NTNG1: variants seen among roughly 807,000 people sequenced by gnomAD.
The protein encoded by NTNG1 is netrin-G1.
A neutral mutation model predicts 54.0 loss-of-function variants in NTNG1; 16 were observed. That is an observed-to-expected ratio of 0.30 (90% confidence interval 0.20 to 0.45). NTNG1 has a LOEUF of 0.45. Among genes scored for constraint, NTNG1 ranks in the 20% least tolerant of loss-of-function variants. The pLI is 1.00. For missense variants in NTNG1, 530 were observed against 678.7 expected, an observed-to-expected ratio of 0.78 and a Z score of 2.43; for synonymous variants, 255 against 263.1, an observed-to-expected ratio of 0.97 and a Z score of 0.30.
intron 2 of NTNG1, among the ~76,000 whole-genome samples, chr1:107,155,893 G>A (rs79828824): frequency 0.017 from 2,572 of 152,188 alleles, 80 homozygotes; most frequent in African/African-American, 0.058. Context: ...TGTTTAGATA[G>A]ATTTAGGTTC....
rs71976757 is a variant in NTNG1, at chr1:107,290,963, T to TTATATATA, written c.247-33304_247-33297dup. Among the ~76,000 whole-genome samples, 1,144 of 142,478 alleles carry TTATATATA rather than the reference T, an allele frequency of 8.0e-3. 9 individuals are homozygous for TTATATATA. Among genetic ancestry groups the TTATATATA allele is most frequent in the African/African-American group, 0.023 (889 of 38,162 alleles). 93.5% of individuals were successfully genotyped at this position (142,478 alleles called of 152,430 possible). Reference sequence around the variant, plus strand: ...ATATTTTAAAGTGCATATATATATATTATATATATATATATATATATACAC... The same window carrying TTATATATA: ...ATATTTTAAAGTGCATATATATATATTATATATATATATATATATATATATATATACAC... On this transcript the variant is annotated intron_variant, in intron 2 of 7. Transcript: ENST00000370068.
chr1:107,231,983 A>G (rs1661097596), intron 2 of NTNG1, among the ~76,000 whole-genome samples: 2 of 152,208 alleles, frequency 1.3e-5, no homozygotes, highest in Non-Finnish European at 2.9e-5. Context: ...CTTCCTATAC[A>G]CAGAAAGAAT....
intron 2 of NTNG1, among the ~76,000 whole-genome samples, chr1:107,188,490 T>A (rs1257677152): frequency 6.6e-6 from 1 of 152,180 alleles, no homozygotes; most frequent in Non-Finnish European, 1.5e-5. Context: ...CACTGAAAGC[T>A]CCAGAATCCA....
chr1:107,257,054 G>A (rs1662981758), intron 2 of NTNG1, among the ~76,000 whole-genome samples: 1 of 151,978 alleles, frequency 6.6e-6, no homozygotes. Flanking sequence ...TCAACTACCT[G>A]CTGGAAATCT....
intron 3 of NTNG1, among the ~76,000 whole-genome samples, chr1:107,384,191 C>G (rs1029847090): frequency 6.6e-6 from 1 of 152,160 alleles, no homozygotes; most frequent in African/African-American, 2.4e-5. Flanking sequence ...TCATGGTACT[C>G]TAGCCTCCCT....
chr1:107,476,455 G>GT (rs1678336550), intron 7 of NTNG1, among the ~76,000 whole-genome samples: 1 of 152,126 alleles, frequency 6.6e-6, no homozygotes, highest in African/African-American at 2.4e-5. Context: ...AACAGCTGCA[G>GT]AAGAACCTTG....
intron 7 of NTNG1, among the ~76,000 whole-genome samples, chr1:107,447,264 T>C (rs1050553167): frequency 1.3e-5 from 2 of 152,012 alleles, no homozygotes; most frequent in African/African-American, 4.8e-5. Context: ...TGAAAATCAA[T>C]AATATGGACA....
chr1:107,413,314 C>T (rs1673964680), intron 5 of NTNG1, among the ~76,000 whole-genome samples: 1 of 152,008 alleles, frequency 6.6e-6, no homozygotes, highest in South Asian at 2.1e-4. Flanking sequence ...AGGCTCCTGC[C>T]ACCACACACG....
chr1:107,352,054 G>A (rs568143370), intron 3 of NTNG1, among the ~76,000 whole-genome samples: 13 of 152,366 alleles, frequency 8.5e-5, no homozygotes, highest in Admixed American at 6.5e-4. Flanking sequence ...AAAGCCATGG[G>A]CAGCTCCATC....
intron 7 of NTNG1, among the ~76,000 whole-genome samples, chr1:107,469,614 G>A (rs1257899741): frequency 6.6e-6 from 1 of 151,910 alleles, no homozygotes; most frequent in Non-Finnish European, 1.5e-5. Context: ...TCCCCACCAT[G>A]CCCAGCTAAT....
intron 2 of NTNG1, among the ~76,000 whole-genome samples, chr1:107,314,181 G>T (rs924658185): frequency 3.3e-5 from 5 of 151,954 alleles, no homozygotes; most frequent in Admixed American, 6.6e-5. Context: ...GAGGCAGGCT[G>T]GTCATGAGTT....
intron 2 of NTNG1, among the ~76,000 whole-genome samples, chr1:107,308,328 G>A (rs754112213): frequency 2.0e-4 from 30 of 152,062 alleles, no homozygotes; most frequent in African/African-American, 7.0e-4. Context: ...TGATTTTTGT[G>A]TATGGTGTAA....
rs375101515 is a variant in NTNG1 at position 107,317,088 on chromosome 1, A to C, written c.247-7194A>C. On this transcript the variant is annotated intron_variant, in intron 2 of 7. Coordinates refer to ENST00000370068, the MANE Select transcript of NTNG1 (RefSeq NM_001113226.3). ...GACTTCAAAGAGGTCTTGGACTTGC[A>C]TACTCATGCGGAGAAGAAAAAAACT... Among the ~76,000 whole-genome samples the C allele has an allele frequency of 4.3e-4, 65 of 152,318 alleles. No individual in the cohort carries two copies. The South Asian group carries it at 0.013, about 31-fold the overall frequency.
chr1:107,441,254 G>C (rs1675947727), intron 7 of NTNG1, among the ~76,000 whole-genome samples: 1 of 151,938 alleles, frequency 6.6e-6, no homozygotes, highest in Admixed American at 6.6e-5. Context: ...TTGGGAGGTA[G>C]AAATAGCCAC....
intron 2 of NTNG1, among the ~76,000 whole-genome samples, chr1:107,317,778 G>C (rs1355806815): frequency 6.6e-6 from 1 of 152,098 alleles, no homozygotes; most frequent in Non-Finnish European, 1.5e-5. Context: ...TATTGTCAGG[G>C]AGCAGATTGA....
intron 4 of NTNG1, among the ~76,000 whole-genome samples, chr1:107,402,255 G>A (rs892656979): frequency 2.0e-5 from 3 of 152,132 alleles, no homozygotes; most frequent in Non-Finnish European, 4.4e-5. Flanking sequence ...TGAATGACTT[G>A]AATGTTAATA....
intron 2 of NTNG1, among the ~76,000 whole-genome samples, chr1:107,275,409 T>G (rs1007153074): frequency 6.6e-6 from 1 of 151,822 alleles, no homozygotes; most frequent in African/African-American, 2.4e-5. Context: ...AATAAATAAA[T>G]ATAGAGATTT....
chr1:107,407,684 A>G lies in NTNG1; in HGVS notation c.1063A>G (p.Ile355Val), dbSNP rs750998201. The stretch of plus-strand genomic sequence containing the variant: ...TTTATTGTTTTCTTTTTCTCCAGGT[A>G]TCCCCAGTATTTCCAGTATTGGTAG... The part of the protein sequence containing the change: ...PIPKGTANTC[I>V]PSISSIGNCE... Residue 355 changes from isoleucine to valine, a missense_variant and splice_region_variant, in exon 5 of 8, where the codon ATC (isoleucine) becomes GTC (valine). By Grantham distance (29) the Ile-to-Val change is conservative. This residue lies in a region of NTNG1 where 318 missense variants were observed against 465.1 expected (regional missense o/e 0.68). Transcript: ENST00000370068. The G allele has an allele frequency of 6.2e-7, 1 of 1,604,724 alleles. No individual in the cohort carries two copies. The highest frequency in any genetic ancestry group is 1.1e-5 in the South Asian group (1 of 89,228).
In NTNG1 at chr1:107,339,774, G is replaced by T. The variant is rs879537954; in HGVS notation, c.887+14852G>T. Among the ~76,000 whole-genome samples, 23 of 151,994 alleles carry T rather than the reference G, an allele frequency of 1.5e-4. 1 individual carries two copies. The highest frequency in any genetic ancestry group is 1.4e-3 in the Admixed American group (21 of 15,240). On this transcript the variant is annotated intron_variant, in intron 3 of 7. Transcript: ENST00000370068. ...TAATATCTACCTACTTCTCTTTCACGAATGTAGAATATAATACAAATAAAT... is the reference window on the plus strand; with the variant it reads ...TAATATCTACCTACTTCTCTTTCACTAATGTAGAATATAATACAAATAAAT...
Sources: gnomAD v4.1 joint callset for allele counts (sites outside exome capture counted in the v4.1 genomes callset) on GRCh38, gnomAD v4.1.1 for gene constraint, gnomAD v4.1.1 regional missense constraint, MANE v1.5 for transcripts, NCBI Gene and HGNC (gene_info 2026-07-23, HGNC 2026-07-21) for gene names.